Variants in PTPRK observed in about 807,000 individuals in gnomAD.
PTPRK encodes the protein protein tyrosine phosphatase receptor type K.
A neutral mutation model predicts 178.0 loss-of-function variants in PTPRK; 75 were observed. The ratio of observed to expected loss-of-function variants is 0.42; its 90% confidence interval spans 0.35 to 0.51. PTPRK has a LOEUF of 0.51. PTPRK is among the 20% of genes least tolerant of loss of function. The pLI, the probability that PTPRK is intolerant of heterozygous loss-of-function variation, is 0.02. For synonymous variants in PTPRK, 637 were observed against 620.6 expected (o/e 1.03, Z -0.39); for missense variants, 1,441 against 1,797.8 (o/e 0.80, Z 3.59).
At chr6:128,282,227 A>G (rs1821791363) in intron 3 of PTPRK, among the ~76,000 whole-genome samples, 1 of 152,210 alleles carries the variant, frequency 6.6e-6, no homozygotes, top group Non-Finnish European at 1.5e-5. Context: ...AATGCAGCTA[A>G]TCCACATCAA....
At chr6:128,431,252 A>G (rs1844806376) in intron 1 of PTPRK, among the ~76,000 whole-genome samples, 2 of 152,016 alleles carry the variant, frequency 1.3e-5, no homozygotes, top group Admixed American at 1.3e-4. Context: ...ATTCTTAATT[A>G]TTGTGCAAAT....
At chr6:128,303,068 T>C (rs1825878028) in intron 3 of PTPRK, among the ~76,000 whole-genome samples, 1 of 152,192 alleles carries the variant, frequency 6.6e-6, no homozygotes, top group African/African-American at 2.4e-5. Flanking sequence ...CCAGGCAACA[T>C]GTCCGCCTTC....
At chr6:128,132,649 T>A (rs781215013) in intron 7 of PTPRK, among the ~76,000 whole-genome samples, 1 of 152,216 alleles carries the variant, frequency 6.6e-6, no homozygotes, top group Non-Finnish European at 1.5e-5. Flanking sequence ...ATAAGTGACA[T>A]TAGTTAAATT....
At chr6:127,970,990 C>T (rs948521720) in intron 29 of PTPRK, among the ~76,000 whole-genome samples, 20 of 151,930 alleles carry the variant, frequency 1.3e-4, no homozygotes, top group African/African-American at 4.8e-4. Flanking sequence ...TTTAAACAGC[C>T]ATTTATGCAA....
chr6:128,364,133 T>C (rs575959018), intron 2 of PTPRK, among the ~76,000 whole-genome samples: 2 of 152,108 alleles, frequency 1.3e-5, no homozygotes, highest in Non-Finnish European at 2.9e-5. Flanking sequence ...AAATAGACCA[T>C]ACTCAAATTT....
At chr6:127,997,065 A>G in intron 16 of PTPRK, 77 bp from the exon 17 acceptor site, 2 of 1,461,534 alleles carry the variant, frequency 1.4e-6, no homozygotes, top group Admixed American at 4.1e-5. Flanking sequence ...TGAAGCCCCA[A>G]ATAGTAAAAA....
At chr6:128,107,302 A>G (rs1215451720) in intron 7 of PTPRK, among the ~76,000 whole-genome samples, 2 of 152,132 alleles carry the variant, frequency 1.3e-5, no homozygotes, top group African/African-American at 4.8e-5. Flanking sequence ...TTACAGTATG[A>G]CAGTTTCACC....
intron 13 of PTPRK, among the ~76,000 whole-genome samples, chr6:128,015,871 G>A (rs12215342): frequency 0.74 from 111,866 of 151,662 alleles, 44,068 homozygotes; most frequent in Non-Finnish European, 0.86. Context: ...CACCAGCAGC[G>A]TATGCCAACC....
intron 1 of PTPRK, among the ~76,000 whole-genome samples, chr6:128,442,411 C>A (rs1846395606): frequency 6.6e-6 from 1 of 152,148 alleles, no homozygotes; most frequent in African/African-American, 2.4e-5. Context: ...CTCCTAGACC[C>A]CATACCCACC....
intron 3 of PTPRK, among the ~76,000 whole-genome samples, chr6:128,317,844 C>T (rs1226143326): frequency 6.6e-6 from 1 of 152,084 alleles, no homozygotes; most frequent in African/African-American, 2.4e-5. Flanking sequence ...TTGACCAGAA[C>T]TGTGTCGCAT....
chr6:128,469,949 T>G (rs1000894523), intron 1 of PTPRK, among the ~76,000 whole-genome samples: 1 of 152,154 alleles, frequency 6.6e-6, no homozygotes, highest in African/African-American at 2.4e-5. Flanking sequence ...AACCTAGCCC[T>G]GCAGACCATT....
chr6:128,153,491 G>C (rs1374641296), intron 7 of PTPRK, among the ~76,000 whole-genome samples: 2 of 151,896 alleles, frequency 1.3e-5, no homozygotes, highest in Non-Finnish European at 2.9e-5. Flanking sequence ...AAAAAAAAGT[G>C]TTTTCCAGAT....
intron 7 of PTPRK, among the ~76,000 whole-genome samples, chr6:128,094,618 G>C (rs1490342935): frequency 6.6e-6 from 1 of 152,140 alleles, no homozygotes; most frequent in Non-Finnish European, 1.5e-5. Flanking sequence ...TGGCCAAAAA[G>C]TATACTAGAA....
At chr6:128,182,131 T>C (rs1802012541) in intron 7 of PTPRK, among the ~76,000 whole-genome samples, 1 of 150,642 alleles carries the variant, frequency 6.6e-6, no homozygotes, top group Non-Finnish European at 1.5e-5. Context: ...TAAAAACAAA[T>C]AAACTTAATA....
At chr6:128,114,813 A>G (rs1791226009) in intron 7 of PTPRK, among the ~76,000 whole-genome samples, 1 of 151,924 alleles carries the variant, frequency 6.6e-6, no homozygotes, top group South Asian at 2.1e-4. Flanking sequence ...GTAAAGACCC[A>G]GAGACAGAGC....
chr6:127,990,740 T>G, intron 21 of PTPRK, 29 bp downstream of exon 21: 1 of 1,467,312 alleles, frequency 6.8e-7, no homozygotes, highest in Non-Finnish European at 9.5e-7. Flanking sequence ...TTGATATCAC[T>G]TTTTAAAATA....
chr6:128,084,528 C>A (rs1406335400), intron 8 of PTPRK, among the ~76,000 whole-genome samples: 1 of 152,104 alleles, frequency 6.6e-6, no homozygotes, highest in Non-Finnish European at 1.5e-5. Flanking sequence ...GTTTAGAACT[C>A]AACGATCTGC....
intron 1 of PTPRK, among the ~76,000 whole-genome samples, chr6:128,512,384 T>C (rs1857322871): frequency 6.6e-6 from 1 of 152,224 alleles, no homozygotes; most frequent in Non-Finnish European, 1.5e-5. Context: ...CCAACTGTAA[T>C]GGGTGAACAT....
intron 2 of PTPRK, among the ~76,000 whole-genome samples, chr6:128,388,705 T>C (rs1218864824): frequency 6.6e-6 from 1 of 152,236 alleles, no homozygotes; most frequent in African/African-American, 2.4e-5. Context: ...TAGGTTCACC[T>C]GACTTCAGTT....
Sources: gnomAD v4.1 joint callset for allele counts (sites outside exome capture counted in the v4.1 genomes callset) on GRCh38, gnomAD v4.1.1 for gene constraint, MANE v1.5 for transcripts, NCBI Gene and HGNC (gene_info 2026-07-23, HGNC 2026-07-21) for gene names.